Variants in KIR3DL3 observed in about 807,000 individuals in gnomAD.
KIR3DL3 encodes killer cell immunoglobulin like receptor, three Ig domains and long cytoplasmic tail 3.
Under a neutral mutation model 34.9 loss-of-function variants are expected in KIR3DL3, and 27 were observed. The observed-to-expected ratio is 0.77, with a 90% confidence interval of 0.57 to 1.07. KIR3DL3 has a LOEUF of 1.07. KIR3DL3 is among the 50% of genes least tolerant of loss of function. The pLI, the probability that KIR3DL3 is intolerant of heterozygous loss-of-function variation, is 0.00. For missense variants in KIR3DL3, 681 were observed against 528.5 expected (o/e 1.29, Z -2.83); for synonymous variants, 217 against 200.2 (o/e 1.08, Z -0.71).
chr19:54,727,806 C>T lies in KIR3DL3; in HGVS notation c.551C>T (p.Pro184Leu). The T allele has an allele frequency of 8.7e-6, 14 of 1,613,910 alleles. No individual in the cohort carries two copies. In the South Asian group the frequency reaches 1.5e-4, roughly 18 times the overall value. ...TCCCAGGTCAACTATTCCATGGGTC[C>T]CATGACACCTGCCCTTGCAGGGACC... is the stretch of plus-strand genomic sequence containing the variant. Reference protein sequence around the residue: ...AGSQVNYSMGPMTPALAGTYR... With the variant: ...AGSQVNYSMGLMTPALAGTYR... Residue 184 changes from proline (P) to leucine (L), a missense_variant, in exon 4 of 8, where the codon CCC (proline) becomes CTC (leucine). By Grantham distance (98) the Pro-to-Leu change is moderately conservative. Coordinates refer to ENST00000291860, the MANE Select transcript of KIR3DL3 (RefSeq NM_153443.5).
chr19:54,725,392 C>G, intron 2 of KIR3DL3, 110 bp downstream of exon 2: 1 of 860,012 alleles, frequency 1.2e-6, no homozygotes, highest in Non-Finnish European at 1.7e-6. Flanking sequence ...CCATGGGAAG[C>G]CATGTGGGAA....
At position 54,727,929 on chromosome 19, in the gene KIR3DL3, G is replaced by T. The variant is rs1331922646; in HGVS notation, c.655+19G>T. 1.3e-6 allele frequency: 2 copies of T among 1,587,280 alleles called. No individual in the cohort carries two copies. The highest frequency in any genetic ancestry group is 1.7e-6 in the Non-Finnish European group (2 of 1,164,088). On this transcript the variant is annotated intron_variant, in intron 4 of 7. Transcript: ENST00000291860. ...GTCGTAGGTGAGAGAATACAGACCT[G>T]CCTCTCACCCTTGCTGGGAGATGGA... is the stretch of plus-strand genomic sequence containing the variant.
At chr19:54,726,551 A>T (rs201448412) in intron 3 of KIR3DL3, among the ~76,000 whole-genome samples, 9,362 of 145,546 alleles carry the variant, frequency 0.064, 940 homozygotes, top group East Asian at 0.49. Flanking sequence ...TATTTATGTT[A>T]TAGGGCAGGG....
intron 4 of KIR3DL3, among the ~76,000 whole-genome samples, chr19:54,728,744 A>T (rs1205700517): frequency 6.6e-6 from 1 of 150,840 alleles, no homozygotes; most frequent in Non-Finnish European, 1.5e-5. Flanking sequence ...AGACAGGGAA[A>T]GATAAAGATG....
rs574084778 is a variant in KIR3DL3 at position 54,736,254 on chromosome 19, G to C, written c.*158G>C. ...CAGCAGCTGGACTCTGAAGGCGTGA[G>C]TCTGCATCTTAGGGCATCGCTCTTC... On this transcript the variant is annotated 3_prime_UTR_variant, in exon 8 of 8. Transcript: ENST00000291860. 9.2e-4 allele frequency: 880 copies of C among 952,546 alleles called. 16 individuals are homozygous for C. The highest frequency in any genetic ancestry group is 2.5e-3 in the Middle Eastern group (11 of 4,478). The allele number at this position is 952,546 out of a possible 1,614,324, so 59.0% of individuals were successfully genotyped here.
chr19:54,725,967 G>T (rs2075729), intron 2 of KIR3DL3, 86 bp from the exon 3 acceptor site: 6 of 1,284,584 alleles, frequency 4.7e-6, no homozygotes, highest in African/African-American at 1.5e-5. Context: ...CCTTAGAAAC[G>T]TGGAAATGGG....
Position 54,726,403 on chromosome 19 carries a change from G to T in KIR3DL3, c.355+66G>T. ...CTGAATCCCAGAGCTTCTGGTGGGG[G>T]CGTCCATCAGGGTCCAATCATCCAG... On this transcript the variant is annotated intron_variant, in intron 3 of 7. Transcript: ENST00000291860. 4 of 1,558,118 alleles carry T rather than the reference G, an allele frequency of 2.6e-6. No individual in the cohort carries two copies. In the South Asian group the frequency reaches 4.7e-5, roughly 18 times the overall value.
intron 5 of KIR3DL3, among the ~76,000 whole-genome samples, chr19:54,730,535 C>CT (rs1390663110): frequency 1.3e-5 from 2 of 151,606 alleles, no homozygotes; most frequent in African/African-American, 4.9e-5. Flanking sequence ...GATCATGCCA[C>CT]TGCACTGCAG....
rs1320982837 is a variant in KIR3DL3 at position 54,726,060 on chromosome 19, G to C, written c.78G>C (p.Gln26His). The C allele has an allele frequency of 6.2e-7, 1 of 1,611,288 alleles. No individual in the cohort carries two copies. The highest frequency in any genetic ancestry group is 8.5e-7 in the Non-Finnish European group (1 of 1,178,086). The change falls in exon 3 of 8, where the codon CAG becomes CAC. Residue 26 changes from glutamine to histidine, a missense_variant. Transcript: ENST00000291860. Reference sequence around the variant, plus strand: ...TGCCTCCTTCTCCCCCAGGTGGTCAGGACAAGCCCTTCCTCTCTGCCTGGC... The same window carrying C: ...TGCCTCCTTCTCCCCCAGGTGGTCACGACAAGCCCTTCCTCTCTGCCTGGC... The part of the protein sequence containing the change: ...LEGPWPHVGG[Q>H]DKPFLSAWPG...
intron 5 of KIR3DL3, among the ~76,000 whole-genome samples, chr19:54,730,372 G>A (rs2068670223): frequency 2.0e-5 from 3 of 149,490 alleles, no homozygotes; most frequent in Admixed American, 6.7e-5. Flanking sequence ...TGGCCAACAT[G>A]GGGAAAATCC....
intron 3 of KIR3DL3, among the ~76,000 whole-genome samples, 186 bp from the exon 4 acceptor site, chr19:54,727,425 G>T (rs1374033573): frequency 6.6e-5 from 9 of 136,584 alleles, no homozygotes; most frequent in Middle Eastern, 3.3e-3. Flanking sequence ...GAGACAGAGA[G>T]ACAGGGAAGA....
Position 54,726,262 on chromosome 19 carries a change from A to G in KIR3DL3, c.280A>G (p.Arg94Gly). ...PVTPAHAGTY[R>G]CCSSHPHSPT... Reference sequence around the variant, plus strand: ...GACCCCAGCACATGCAGGGACCTACAGATGTTGCAGTTCACACCCACACTC... The same window carrying G: ...GACCCCAGCACATGCAGGGACCTACGGATGTTGCAGTTCACACCCACACTC... The change falls in exon 3 of 8, where the codon AGA becomes GGA. Residue 94 changes from arginine (R) to glycine (G), a missense_variant. Physicochemically the swap from Arg to Gly is moderately radical, Grantham distance 125. Transcript: ENST00000291860. The G allele has an allele frequency of 6.2e-7, 1 of 1,613,904 alleles. No individual in the cohort carries two copies. The highest frequency in any genetic ancestry group is 8.5e-7 in the Non-Finnish European group (1 of 1,179,958).
chr19:54,732,382 C>T (rs1251379001), intron 5 of KIR3DL3, among the ~76,000 whole-genome samples: 2 of 151,434 alleles, frequency 1.3e-5, no homozygotes, highest in African/African-American at 4.9e-5. Context: ...TACCGAGTAG[C>T]TGGGATTACA....
At chr19:54,734,630 A>C (rs2069233317) in intron 5 of KIR3DL3, among the ~76,000 whole-genome samples, 1 of 147,534 alleles carries the variant, frequency 6.8e-6, no homozygotes, top group South Asian at 2.2e-4. Context: ...TTGCTGTCTT[A>C]GTCCATTTTT....
At chr19:54,731,035 T>C (rs2068738894) in intron 5 of KIR3DL3, among the ~76,000 whole-genome samples, 2 of 151,952 alleles carry the variant, frequency 1.3e-5, no homozygotes, top group South Asian at 4.2e-4. Flanking sequence ...TTAGACTGTT[T>C]CACTCTTGTT....
In KIR3DL3 at chr19:54,735,463, G is replaced by A. The variant is rs2069423524; in HGVS notation, c.1054+106G>A. The A allele has an allele frequency of 6.3e-6, 4 of 636,818 alleles. 1 individual carries two copies. The highest frequency in any genetic ancestry group is 5.4e-5 in the South Asian group (3 of 55,294). 39.4% of individuals were successfully genotyped at this position (636,818 alleles called of 1,614,324 possible). On this transcript the variant is annotated intron_variant, in intron 6 of 7. Coordinates refer to ENST00000291860, the MANE Select transcript of KIR3DL3 (RefSeq NM_153443.5). Reference sequence around the variant, plus strand: ...ACAGACTGGATGGTCCCTGGCCCAAGGCAGGAGCCACAGAGGCAGGACTTT... The same window carrying A: ...ACAGACTGGATGGTCCCTGGCCCAAAGCAGGAGCCACAGAGGCAGGACTTT...
intron 5 of KIR3DL3, among the ~76,000 whole-genome samples, chr19:54,730,690 C>T (rs1253251087): frequency 2.9e-4 from 44 of 152,234 alleles, no homozygotes; most frequent in Admixed American, 7.2e-4. Flanking sequence ...CTTTTAGCTC[C>T]TGCATATGAG....
In KIR3DL3 at chr19:54,726,319, G is replaced by C. The variant is rs778036278; in HGVS notation, c.337G>C (p.Val113Leu). Residue 113 changes from valine to leucine, a missense_variant, in exon 3 of 8, where the codon GTG becomes CTG. Coordinates refer to ENST00000291860, the MANE Select transcript of KIR3DL3 (RefSeq NM_153443.5). ...PTGWSAPSNP[V>L]VIMVTGVHRK... ...TGGGTGGTCGGCACCCAGCAACCCTGTGGTGATCATGGTCACAGGTCAGAG... is the reference window on the plus strand; with the variant it reads ...TGGGTGGTCGGCACCCAGCAACCCTCTGGTGATCATGGTCACAGGTCAGAG... The C allele has an allele frequency of 1.2e-5, 19 of 1,613,500 alleles. No homozygotes were observed. The East Asian group carries it at 2.2e-4, about 19-fold the overall frequency.
At chr19:54,729,856 G>T in intron 5 of KIR3DL3, 70 bp downstream of exon 5, 1 of 1,464,736 alleles carries the variant, frequency 6.8e-7, no homozygotes, top group Non-Finnish European at 9.2e-7. Context: ...TCCTGCTGAT[G>T]ATGGAGAGAA....
Sources: allele counts gnomAD v4.1 joint callset (sites outside exome capture counted in the v4.1 genomes callset), GRCh38; gene constraint gnomAD v4.1.1; transcripts MANE v1.5; gene names NCBI Gene and HGNC (gene_info 2026-07-23, HGNC 2026-07-21).